Variants in TP53BP1 observed in about 807,000 individuals in gnomAD.
TP53BP1 encodes TP53-binding protein 1.
In TP53BP1, 61 loss-of-function variants were observed where a neutral mutation model predicts 200.8. The observed-to-expected ratio is 0.30, with a 90% CI of 0.25 to 0.38. The LOEUF (loss-of-function observed/expected upper bound fraction) is 0.38, where lower values mean the gene tolerates loss of function less well. Among genes scored for constraint, TP53BP1 ranks in the 10% least tolerant of loss-of-function variants. The probability of loss-of-function intolerance (pLI) is 1.00; values close to 1 mark genes in which losing one functional copy is unlikely to be tolerated. For missense variants in TP53BP1, 2,144 were observed against 2,371.9 expected, an observed-to-expected ratio of 0.90 and a Z score of 2.00; for synonymous variants, 822 against 844.3, an observed-to-expected ratio of 0.97 and a Z score of 0.46.
chr15:43,500,344 T>C (rs1288551439), intron 1 of TP53BP1, among the ~76,000 whole-genome samples: 1 of 152,200 alleles, frequency 6.6e-6, no homozygotes, highest in East Asian at 1.9e-4. Flanking sequence ...GCTATGTACT[T>C]ATATAATACA....
upstream of TP53BP1, chr15:43,493,261 C>T (rs1469754670): frequency 1.4e-6 from 2 of 1,415,718 alleles, no homozygotes; most frequent in Non-Finnish European, 1.9e-6. Flanking sequence ...GAGTGCCCTG[C>T]CCCACGTAAG....
chr15:43,510,365 C>G (rs1441372113), intron 1 of TP53BP1: 1 of 152,770 alleles, frequency 6.5e-6, no homozygotes, highest in Non-Finnish European at 1.5e-5. Context: ...AGAATAACAA[C>G]TCACCAGGGA....
At chr15:43,428,311 C>A in intron 17 of TP53BP1, 143 bp from the exon 18 acceptor site, 1 of 715,956 alleles carries the variant, frequency 1.4e-6, no homozygotes, top group Non-Finnish European at 2.3e-6. Flanking sequence ...TTTTATCCAC[C>A]TATAGGTAAG....
intron 16 of TP53BP1, among the ~76,000 whole-genome samples, chr15:43,434,882 C>CCCA (rs1288510796): frequency 6.6e-6 from 1 of 152,138 alleles, no homozygotes; most frequent in Non-Finnish European, 1.5e-5. Flanking sequence ...GTAAGAAGTG[C>CCCA]CATACCTCTC....
At chr15:43,431,869 A>C (rs1215452541) in intron 17 of TP53BP1, among the ~76,000 whole-genome samples, 1 of 152,226 alleles carries the variant, frequency 6.6e-6, no homozygotes, top group East Asian at 1.9e-4. Context: ...AGAAGGCAAG[A>C]TAAAAAGTAT....
At position 43,407,384 on chromosome 15, in the gene TP53BP1, T is replaced by C. The variant is rs1488193973; in HGVS notation, c.5933A>G (p.Ter1978=). The part of the protein sequence containing the change: ...PKYKHDYVSH[*] ...TAAAACCAGTAAGACCAAGTATCTT[T>C]AGTGAGAAACATAATCGTGTTTATA... The change falls in exon 28 of 28, where the codon TAA becomes TGA. Residue 1978 remains the stop codon, a stop_retained_variant. Transcript: ENST00000382044. The C allele has an allele frequency of 6.2e-7, 1 of 1,613,866 alleles. No individual in the cohort carries two copies. The highest frequency in any genetic ancestry group is 8.5e-7 in the Non-Finnish European group (1 of 1,179,854).
rs1379227464 is a variant in TP53BP1 at position 43,432,373 on chromosome 15, AG to A, written c.3495del (p.Leu1166Ter). ...NNIGIQTMEC[S>X]LRVPETVSAA... ...GCTGAAACAGTTTCTGGGACCCTCAAGGAACACTCCATGGTTTGGATTCCTA... is the reference window on the plus strand; with the variant it reads ...GCTGAAACAGTTTCTGGGACCCTCAAGAACACTCCATGGTTTGGATTCCTA... On this transcript the variant is annotated frameshift_variant, in exon 17 of 28. Coordinates refer to ENST00000382044, the MANE Select transcript of TP53BP1 (RefSeq NM_001141980.3). 1.2e-6 allele frequency: 2 copies of A among 1,614,196 alleles called. No homozygotes were observed. Among genetic ancestry groups the A allele is most frequent in the East Asian group, 2.2e-5 (1 of 44,882 alleles).
chr15:43,490,586 C>G (rs1240477795), intron 4 of TP53BP1, among the ~76,000 whole-genome samples: 3 of 152,174 alleles, frequency 2.0e-5, no homozygotes, highest in Non-Finnish European at 4.4e-5. Context: ...ACATTCTCCT[C>G]TCTAACCACC....
At chr15:43,502,617 A>AG (rs1167891125) in intron 1 of TP53BP1, among the ~76,000 whole-genome samples, 1 of 137,976 alleles carries the variant, frequency 7.2e-6, no homozygotes, top group African/African-American at 2.7e-5. Context: ...ACCACGACCT[A>AG]TTTTTTTTTT....
rs1270167248 is a variant in TP53BP1, at chr15:43,456,332, G to A, written c.2276C>T (p.Ser759Phe). The A allele has an allele frequency of 1.2e-6, 2 of 1,613,880 alleles. No homozygotes were observed. The highest frequency in any genetic ancestry group is 2.2e-5 in the East Asian group (1 of 44,870). ...EAWEEATSED[S>F]SVVIVDVKEP... ...TTTCACATCTACAATGACAACACTG[G>A]AGTCCTCTGAAGTAGCTTCTTCCCA... Residue 759 changes from serine to phenylalanine, a missense_variant, in exon 12 of 28, where the codon TCC (serine) becomes TTC (phenylalanine). This residue lies in a region of TP53BP1 where 1,700 missense variants were observed against 1,710.3 expected (regional missense o/e 0.99). Coordinates refer to ENST00000382044, the MANE Select transcript of TP53BP1 (RefSeq NM_001141980.3).
At chr15:43,473,863 C>T (rs551231634) in intron 10 of TP53BP1, among the ~76,000 whole-genome samples, 35 of 152,360 alleles carry the variant, frequency 2.3e-4, no homozygotes, top group Non-Finnish European at 3.7e-4. Context: ...AGTCCTGTGC[C>T]GTGCTCCTGC....
At chr15:43,478,382 A>G (rs2078914123) in intron 7 of TP53BP1, among the ~76,000 whole-genome samples, 1 of 152,222 alleles carries the variant, frequency 6.6e-6, no homozygotes, top group Non-Finnish European at 1.5e-5. Context: ...AGAAAAGCCT[A>G]AAAAGTCACT....
At chr15:43,489,819 T>C (rs2079095388) in intron 4 of TP53BP1, among the ~76,000 whole-genome samples, 1 of 152,230 alleles carries the variant, frequency 6.6e-6, no homozygotes, top group African/African-American at 2.4e-5. Context: ...GCCCATCGGT[T>C]TGCAGGTTGT....
At chr15:43,495,787 A>G (rs376613712), upstream of TP53BP1, among the ~76,000 whole-genome samples, 8 of 151,602 alleles carry the variant, frequency 5.3e-5, no homozygotes, top group East Asian at 1.6e-3. Context: ...ACTGCACTCC[A>G]GCCTGGGTGA....
intron 20 of TP53BP1, 60 bp from the exon 21 acceptor site, chr15:43,420,795 T>G: frequency 2.7e-6 from 4 of 1,474,650 alleles, no homozygotes; most frequent in Non-Finnish European, 3.7e-6. Context: ...AGTATATATC[T>G]ACCAATTTTT....
rs200657683 is a variant in TP53BP1 at position 43,407,919 on chromosome 15, C to T, written c.5746+24G>A. 292 of 1,602,626 alleles carry T rather than the reference C, an allele frequency of 1.8e-4. No homozygotes were observed. In the East Asian group the frequency reaches 4.4e-3, roughly 24 times the overall value. ...TCTAAGGAGATCCCTGGAACAAAGA[C>T]ACTACACACACTCTTTCAGGTACCT... On this transcript the variant is annotated intron_variant, in intron 27 of 27. Transcript: ENST00000382044.
intron 21 of TP53BP1, among the ~76,000 whole-genome samples, chr15:43,417,684 C>T (rs943648911): frequency 4.6e-5 from 7 of 152,112 alleles, no homozygotes; most frequent in African/African-American, 1.7e-4. Context: ...GAAAGAAGAA[C>T]GAATGCATTT....
At chr15:43,435,364 T>C (rs555952375) in intron 16 of TP53BP1, among the ~76,000 whole-genome samples, 1 of 151,448 alleles carries the variant, frequency 6.6e-6, no homozygotes, top group South Asian at 2.1e-4. Flanking sequence ...TGAGTGTAGC[T>C]CTGTTTATGA....
In TP53BP1 at chr15:43,404,321, C is replaced by T; in HGVS notation, c.*3062G>A. The T allele has an allele frequency of 1.3e-6, 2 of 1,506,938 alleles. No individual in the cohort carries two copies. Among genetic ancestry groups the T allele is most frequent in the Non-Finnish European group, 1.8e-6 (2 of 1,114,978 alleles). The allele number at this position is 1,506,938 out of a possible 1,614,324, so 93.3% of individuals were successfully genotyped here. On this transcript the variant is annotated 3_prime_UTR_variant, in exon 28 of 28. Transcript: ENST00000382044. ...TGGTTCTGTAGAATTTTGAACAAGGCTTTTCCAAGAAACTCCTCCCTCCGC... is the reference window on the plus strand; with the variant it reads ...TGGTTCTGTAGAATTTTGAACAAGGTTTTTCCAAGAAACTCCTCCCTCCGC...
Sources: allele counts gnomAD v4.1 joint callset (sites outside exome capture counted in the v4.1 genomes callset), GRCh38; gene constraint gnomAD v4.1.1; regional missense constraint gnomAD v4.1.1; transcripts MANE v1.5; gene names NCBI Gene and HGNC (gene_info 2026-07-23, HGNC 2026-07-21).